Variants in KIAA0825 observed in about 807,000 individuals in gnomAD.
KIAA0825 encodes KIAA0825, also known as uncharacterized protein KIAA0825.
A neutral mutation model predicts 147.6 loss-of-function variants in KIAA0825; 119 were observed. The observed-to-expected ratio is 0.81, with a 90% CI of 0.69 to 0.94. KIAA0825 has a LOEUF of 0.94. Among genes scored for constraint, KIAA0825 ranks in the 40% least tolerant of loss-of-function variants. The pLI, the probability that KIAA0825 is intolerant of heterozygous loss-of-function variation, is 0.00. For synonymous variants in KIAA0825, 470 were observed against 518.1 expected (o/e 0.91, Z 1.26); for missense variants, 1,381 against 1,472.7 (o/e 0.94, Z 1.02).
chr5:94,479,959 G>A (rs994101666), intron 6 of KIAA0825, among the ~76,000 whole-genome samples: 1 of 151,968 alleles, frequency 6.6e-6, no homozygotes, highest in East Asian at 1.9e-4. Context: ...AATTTTAAGA[G>A]TTCTTTGTAT....
chr5:94,533,611 G>GT (rs1771369510), intron 3 of KIAA0825, among the ~76,000 whole-genome samples: 1 of 152,128 alleles, frequency 6.6e-6, no homozygotes, highest in Non-Finnish European at 1.5e-5. Flanking sequence ...AAGAACTTCT[G>GT]TACCTCAGTA....
At chr5:94,367,248 G>C (rs1374886797) in intron 20 of KIAA0825, among the ~76,000 whole-genome samples, 1 of 152,188 alleles carries the variant, frequency 6.6e-6, no homozygotes, top group Non-Finnish European at 1.5e-5. Context: ...CGTAATCCCA[G>C]CACTTTGGGA....
intron 13 of KIAA0825, among the ~76,000 whole-genome samples, chr5:94,450,527 G>T (rs993428634): frequency 6.6e-6 from 1 of 151,818 alleles, no homozygotes; most frequent in East Asian, 1.9e-4. Context: ...CCAGCATCTG[G>T]TGAGGCCATC....
intron 3 of KIAA0825, among the ~76,000 whole-genome samples, chr5:94,528,853 T>G (rs959390986): frequency 1.3e-5 from 2 of 151,648 alleles, no homozygotes; most frequent in Non-Finnish European, 2.9e-5. Flanking sequence ...GAAGTCAGAA[T>G]GTGGTTTATC....
intron 12 of KIAA0825, among the ~76,000 whole-genome samples, chr5:94,459,790 G>T (rs545857466): frequency 6.6e-6 from 1 of 152,002 alleles, no homozygotes; most frequent in South Asian, 2.1e-4. Context: ...TAGGAGTTTT[G>T]ATATAAAACA....
At chr5:94,294,736 T>C (rs921774249) in intron 20 of KIAA0825, among the ~76,000 whole-genome samples, 2 of 152,136 alleles carry the variant, frequency 1.3e-5, no homozygotes, top group African/African-American at 4.8e-5. Flanking sequence ...AAAAAGAATG[T>C]TGAATATTGG....
At chr5:94,504,146 C>A (rs1765421351) in intron 5 of KIAA0825, among the ~76,000 whole-genome samples, 4 of 152,170 alleles carry the variant, frequency 2.6e-5, no homozygotes, top group Admixed American at 2.6e-4. Context: ...GATCGCATTT[C>A]TCCATGTTTT....
chr5:94,446,220 T>G (rs1424535080), intron 13 of KIAA0825, among the ~76,000 whole-genome samples: 1 of 152,184 alleles, frequency 6.6e-6, no homozygotes, highest in East Asian at 1.9e-4. Context: ...TTCATTCAAC[T>G]AATATTTATT....
At chr5:94,318,981 A>G (rs958391650) in intron 20 of KIAA0825, among the ~76,000 whole-genome samples, 3 of 151,938 alleles carry the variant, frequency 2.0e-5, no homozygotes, top group Non-Finnish European at 4.4e-5. Context: ...GAGAAGCACC[A>G]TGAGAAACCA....
intron 14 of KIAA0825, among the ~76,000 whole-genome samples, chr5:94,430,923 G>A (rs984252851): frequency 1.3e-5 from 2 of 152,120 alleles, no homozygotes; most frequent in East Asian, 1.9e-4. Context: ...TATTTACTTG[G>A]TCTACCTCTC....
Position 94,152,851 on chromosome 5 carries a change from AAAAAT to A in KIAA0825, c.*1151_*1155del, listed in dbSNP as rs1766637729. ...AAAAAAAAAAAAAAAAAAAAAAAAA[AAAAAT>A]TATATATATATATATATATATATAT... On this transcript the variant is annotated 3_prime_UTR_variant, in exon 21 of 21. Transcript: ENST00000682413. 4 of 17,570 alleles carry A rather than the reference AAAAAT, an allele frequency of 2.3e-4. No individual in the cohort carries two copies. The highest frequency in any genetic ancestry group is 9.3e-4 in the Admixed American group (1 of 1,074). The allele number at this position is 17,570 out of a possible 1,614,324, so 1.1% of individuals were successfully genotyped here.
intron 13 of KIAA0825, 55 bp downstream of exon 13, chr5:94,452,904 A>G: frequency 1.0e-6 from 1 of 966,752 alleles, no homozygotes; most frequent in Non-Finnish European, 1.5e-6. Flanking sequence ...AATTTCTATT[A>G]AATTTTAAAA....
chr5:94,426,831 A>T (rs1225238473), intron 14 of KIAA0825, among the ~76,000 whole-genome samples: 7 of 152,214 alleles, frequency 4.6e-5, no homozygotes. Flanking sequence ...CCCCATAAAT[A>T]TGTAAAATAT....
chr5:94,569,735 A>G (rs1779533456), intron 2 of KIAA0825: 1 of 286,880 alleles, frequency 3.5e-6, no homozygotes, highest in South Asian at 1.5e-4. Context: ...CTTCTCATCA[A>G]TCGCCCACAT....
At chr5:94,491,862 A>G (rs187966702) in intron 5 of KIAA0825, among the ~76,000 whole-genome samples, 12 of 152,340 alleles carry the variant, frequency 7.9e-5, no homozygotes, top group Non-Finnish European at 4.4e-5. Flanking sequence ...ATAAATGAGT[A>G]AATAAATGAT....
chr5:94,484,664 C>G, intron 6 of KIAA0825, 105 bp downstream of exon 6: 1 of 711,028 alleles, frequency 1.4e-6, no homozygotes, highest in Non-Finnish European at 2.2e-6. Context: ...TTAAAGAATT[C>G]TTTCATGTGT....
chr5:94,166,504 G>GTTTTTTTTTTT (rs535152982), intron 20 of KIAA0825, among the ~76,000 whole-genome samples: 22 of 100,778 alleles, frequency 2.2e-4, no homozygotes, highest in Non-Finnish European at 2.8e-4. Context: ...CCTCTTGGTT[G>GTTTTTTTTTTT]TTTTTTTTTT....
At chr5:94,155,483 G>C (rs1766959230) in intron 20 of KIAA0825, among the ~76,000 whole-genome samples, 1 of 152,024 alleles carries the variant, frequency 6.6e-6, no homozygotes, top group Non-Finnish European at 1.5e-5. Context: ...GCCTCCCAAA[G>C]TGCTGGGAAT....
intron 20 of KIAA0825, among the ~76,000 whole-genome samples, chr5:94,219,201 C>T (rs1431252706): frequency 2.6e-5 from 4 of 151,972 alleles, no homozygotes; most frequent in Admixed American, 6.6e-5. Flanking sequence ...TATATTATTA[C>T]GTGTAATATA....
Sources: gnomAD v4.1 joint callset for allele counts (sites outside exome capture counted in the v4.1 genomes callset) on GRCh38, gnomAD v4.1.1 for gene constraint, MANE v1.5 for transcripts, NCBI Gene and HGNC (gene_info 2026-07-23, HGNC 2026-07-21) for gene names.